The following SND1 variants were observed in gnomAD, a reference collection of about 807,000 sequenced individuals.
The protein encoded by SND1 is staphylococcal nuclease and tudor domain containing 1.
A neutral mutation model predicts 121.7 loss-of-function variants in SND1; 38 were observed. The observed-to-expected ratio is 0.31, with a 90% CI of 0.24 to 0.41. The LOEUF (loss-of-function observed/expected upper bound fraction) is 0.41. Among genes scored for constraint, SND1 ranks in the 10% least tolerant of loss-of-function variants. The pLI, the probability that SND1 is intolerant of heterozygous loss-of-function variation, is 1.00. For missense variants in SND1, 868 were observed against 1,184.6 expected, an observed-to-expected ratio of 0.73 and a Z score of 3.92; for synonymous variants, 401 against 447.4, an observed-to-expected ratio of 0.90 and a Z score of 1.31.
At chr7:127,857,846 C>G in intron 12 of SND1, 1 of 1,123,378 alleles carries the variant, frequency 8.9e-7, no homozygotes, top group Non-Finnish European at 1.4e-6. Context: ...CCCCAGCAGT[C>G]TCAGGTGTAG....
At chr7:127,922,258 C>G (rs1415376226) in intron 14 of SND1, among the ~76,000 whole-genome samples, 3 of 140,580 alleles carry the variant, frequency 2.1e-5, no homozygotes, top group East Asian at 2.1e-4. Flanking sequence ...AACTCCCGGG[C>G]TCAAGCAATG....
intron 10 of SND1, among the ~76,000 whole-genome samples, chr7:127,745,436 G>C (rs1457306648): frequency 1.3e-5 from 2 of 152,154 alleles, no homozygotes; most frequent in African/African-American, 4.8e-5. Context: ...CTGGGAAAAG[G>C]ATGGAAACAA....
intron 15 of SND1, among the ~76,000 whole-genome samples, chr7:127,984,816 G>A (rs192571546): frequency 6.6e-6 from 1 of 152,296 alleles, no homozygotes. Context: ...GTAGGGTCAG[G>A]TGTCACAGAT....
intron 16 of SND1, among the ~76,000 whole-genome samples, chr7:128,069,908 A>T (rs925973840): frequency 1.3e-5 from 2 of 152,182 alleles, no homozygotes; most frequent in African/African-American, 4.8e-5. Flanking sequence ...ACCCATAGGC[A>T]TTCAGAGGGT....
chr7:127,796,626 C>T (rs1798032128), intron 10 of SND1, among the ~76,000 whole-genome samples: 2 of 152,108 alleles, frequency 1.3e-5, no homozygotes, highest in African/African-American at 4.8e-5. Context: ...TCTTCTGTCC[C>T]TTGACATTTT....
intron 1 of SND1, among the ~76,000 whole-genome samples, chr7:127,662,135 C>G (rs1333629652): frequency 6.6e-6 from 1 of 151,930 alleles, no homozygotes; most frequent in Non-Finnish European, 1.5e-5. Context: ...AAATCTCTCT[C>G]TCTCTGCCCT....
At chr7:128,083,373 G>A (rs930910438) in intron 18 of SND1, among the ~76,000 whole-genome samples, 1 of 152,228 alleles carries the variant, frequency 6.6e-6, no homozygotes, top group African/African-American at 2.4e-5. Context: ...TCTATGGCAA[G>A]GAGCACTGTC....
chr7:128,069,278 C>T (rs906972269), intron 16 of SND1, among the ~76,000 whole-genome samples: 1 of 152,200 alleles, frequency 6.6e-6, no homozygotes, highest in Non-Finnish European at 1.5e-5. Context: ...CAGAGGTATA[C>T]AGCTCAGCAA....
intron 13 of SND1, among the ~76,000 whole-genome samples, chr7:127,903,631 A>G (rs1800277703): frequency 6.6e-6 from 1 of 152,144 alleles, no homozygotes; most frequent in Admixed American, 6.5e-5. Flanking sequence ...AAATAAGACT[A>G]TTCTACCTAG....
intron 16 of SND1, among the ~76,000 whole-genome samples, chr7:128,054,166 C>T (rs1011400841): frequency 6.6e-6 from 1 of 152,176 alleles, no homozygotes; most frequent in Non-Finnish European, 1.5e-5. Flanking sequence ...CACAGGCTTA[C>T]TTATGCAGAC....
At position 127,887,859 on chromosome 7, in the gene SND1, A is replaced by G. The variant is rs552321016; in HGVS notation, c.1344-43A>G. 6.1e-6 allele frequency: 8 copies of G among 1,306,488 alleles called. No individual in the cohort carries two copies. The African/African-American group carries it at 8.7e-5, about 14-fold the overall frequency. The allele number at this position is 1,306,488 out of a possible 1,614,324, so 80.9% of individuals were successfully genotyped here. On this transcript the variant is annotated intron_variant, in intron 12 of 23. Transcript: ENST00000354725. The stretch of plus-strand genomic sequence containing the variant: ...TTATTATTTCTGTTGACTGAGCCCC[A>G]TATGCACTTCTAGTGCTCACTGACC...
intron 12 of SND1, among the ~76,000 whole-genome samples, chr7:127,885,696 T>C (rs1441950984): frequency 5.3e-5 from 8 of 152,238 alleles, no homozygotes; most frequent in African/African-American, 1.9e-4. Flanking sequence ...ATTAAACATT[T>C]GTGTTGTTTT....
In SND1 at chr7:127,988,518, A is replaced by G. The variant is rs3823996; in HGVS notation, c.1670-2429A>G. 2.3e-3 allele frequency among the ~76,000 whole-genome samples: 343 copies of G among 152,252 alleles called. 9 individuals carry two copies. In the East Asian group the frequency reaches 0.056, roughly 25 times the overall value. On this transcript the variant is annotated intron_variant, in intron 15 of 23. Coordinates refer to ENST00000354725, the MANE Select transcript of SND1 (RefSeq NM_014390.4). ...CTATCTCATGAAAAATGTTTTGAAT[A>G]TATTTCTGCTTGATTTGTTTAACAC...
intron 1 of SND1, among the ~76,000 whole-genome samples, chr7:127,669,240 C>T (rs1241975381): frequency 6.6e-6 from 1 of 152,212 alleles, no homozygotes; most frequent in Non-Finnish European, 1.5e-5. Flanking sequence ...ATCCGTCCAC[C>T]TTGGCCTCCC....
chr7:127,726,416 C>T (rs547647775), intron 10 of SND1, among the ~76,000 whole-genome samples: 1 of 152,340 alleles, frequency 6.6e-6, no homozygotes, highest in South Asian at 2.1e-4. Context: ...GTTAAGAAAG[C>T]TGACGTGTGA....
chr7:128,031,912 G>C (rs1209265051), intron 16 of SND1: 1 of 151,130 alleles, frequency 6.6e-6, no homozygotes, highest in African/African-American at 2.4e-5. Flanking sequence ...GGCGTGAGCA[G>C]CGGGGGTCGC....
intron 15 of SND1, among the ~76,000 whole-genome samples, chr7:127,984,785 G>T (rs1802346844): frequency 6.6e-6 from 1 of 152,188 alleles, no homozygotes; most frequent in Admixed American, 6.5e-5. Flanking sequence ...GAATATCCAT[G>T]AAAATCTAAT....
chr7:127,655,924 G>A (rs1299695739), intron 1 of SND1, among the ~76,000 whole-genome samples: 2 of 152,164 alleles, frequency 1.3e-5, no homozygotes, highest in Non-Finnish European at 2.9e-5. Flanking sequence ...AAGCAGCCAT[G>A]GAGGCAGCAT....
At chr7:127,851,138 T>C (rs550815023) in intron 12 of SND1, among the ~76,000 whole-genome samples, 2 of 152,368 alleles carry the variant, frequency 1.3e-5, no homozygotes, top group East Asian at 3.9e-4. Flanking sequence ...CTTTTCATAA[T>C]GGCACCCTTG....
Sources: gnomAD v4.1 joint callset for allele counts (sites outside exome capture counted in the v4.1 genomes callset) on GRCh38, gnomAD v4.1.1 for gene constraint, MANE v1.5 for transcripts, NCBI Gene and HGNC (gene_info 2026-07-23, HGNC 2026-07-21) for gene names.